FOXM1: variants seen among roughly 807,000 people sequenced by gnomAD.
The protein encoded by FOXM1 is forkhead box protein M1.
A neutral mutation model predicts 63.6 loss-of-function variants in FOXM1; 25 were observed. The observed-to-expected ratio is 0.39, with a 90% CI of 0.29 to 0.55. FOXM1 has a LOEUF of 0.55. FOXM1 is among the 20% of genes least tolerant of loss of function. FOXM1 has a pLI of 0.60. For synonymous variants in FOXM1, 387 were observed against 376.9 expected (o/e 1.03, Z -0.31); for missense variants, 879 against 958.7 (o/e 0.92, Z 1.10).
chr12:2,865,522 C>T lies in FOXM1; in HGVS notation c.976-123G>A, dbSNP rs560221045. On this transcript the variant is annotated intron_variant, in intron 5 of 8. Transcript: ENST00000359843. ...TGACAAAAGACACCCCAGACAACTG[C>T]CCCTCCCAGGAGAATGGTTACAGCT... 5.8e-6 allele frequency: 4 copies of T among 694,586 alleles called. No homozygotes were observed. In the East Asian group the frequency reaches 1.2e-4, roughly 21 times the overall value. 43.0% of individuals were successfully genotyped at this position (694,586 alleles called of 1,614,324 possible).
At chr12:2,859,856 A>G (rs1390533255) in intron 8 of FOXM1, 193 bp from the exon 9 acceptor site, 2 of 575,524 alleles carry the variant, frequency 3.5e-6, no homozygotes, top group South Asian at 2.2e-5. Flanking sequence ...ATGTAGTGGC[A>G]TAATTATAAT....
chr12:2,869,943 A>G (rs1056849870), intron 3 of FOXM1, among the ~76,000 whole-genome samples: 1 of 151,760 alleles, frequency 6.6e-6, no homozygotes, highest in Non-Finnish European at 1.5e-5. Flanking sequence ...AATTTTATGT[A>G]TATAGCACAA....
At chr12:2,875,031 C>T (rs1199909510) in intron 1 of FOXM1, among the ~76,000 whole-genome samples, 2 of 128,720 alleles carry the variant, frequency 1.6e-5, no homozygotes, top group African/African-American at 3.0e-5. Flanking sequence ...CTCACTTTGT[C>T]ACCCAGGCTG....
intron 3 of FOXM1, among the ~76,000 whole-genome samples, chr12:2,871,715 C>T (rs1372043878): frequency 6.6e-6 from 1 of 151,888 alleles, no homozygotes; most frequent in African/African-American, 2.4e-5. Flanking sequence ...AATATTATAT[C>T]TTCTAATAAA....
chr12:2,862,196 AAAG>A (rs1396581647), intron 8 of FOXM1, among the ~76,000 whole-genome samples: 3 of 152,002 alleles, frequency 2.0e-5, no homozygotes, highest in East Asian at 3.9e-4. Flanking sequence ...AAAAAAAAAA[AAAG>A]AGACATGTAG....
At position 2,858,426 on chromosome 12, in the gene FOXM1, C is replaced by A; in HGVS notation, c.*212G>T. Reference sequence around the variant, plus strand: ...GTTGTTCCCACCCTTCAGCTCCTGGCAGGGACAGCAGAGGAATCAGATACT... The same window carrying A: ...GTTGTTCCCACCCTTCAGCTCCTGGAAGGGACAGCAGAGGAATCAGATACT... On this transcript the variant is annotated 3_prime_UTR_variant, in exon 9 of 9. Transcript: ENST00000359843. The A allele has an allele frequency of 1.9e-6, 1 of 536,090 alleles. No individual in the cohort carries two copies. Among genetic ancestry groups the A allele is most frequent in the Non-Finnish European group, 3.3e-6 (1 of 301,910 alleles). 33.2% of individuals were successfully genotyped at this position (536,090 alleles called of 1,614,324 possible).
chr12:2,866,531 G>A lies in FOXM1; in HGVS notation c.847-10C>T. On this transcript the variant is annotated splice_polypyrimidine_tract_variant and intron_variant, in intron 4 of 8. Coordinates refer to ENST00000359843, the MANE Select transcript of FOXM1 (RefSeq NM_021953.4). ...TGTGGCGGATGGAGTTCTGGAAGAAGAGCAAGACAACTGGTTATCAGCTAC... is the reference window on the plus strand; with the variant it reads ...TGTGGCGGATGGAGTTCTGGAAGAAAAGCAAGACAACTGGTTATCAGCTAC... 1 of 1,517,968 alleles carries A rather than the reference G, an allele frequency of 6.6e-7. No individual in the cohort carries two copies. The highest frequency in any genetic ancestry group is 2.4e-5 in the Admixed American group (1 of 41,964). The allele number at this position is 1,517,968 out of a possible 1,614,324, so 94.0% of individuals were successfully genotyped here.
In FOXM1 at chr12:2,859,014, G is replaced by C. The variant is rs1279217207; in HGVS notation, c.1916C>G (p.Pro639Arg). ...PAKVGGLDFS[P>R]VQTSQGASDP... ...AGAGGCACCCTGGGAGGTTTGTACTGGGCTGAAATCCAGTCCCCCTACTTT... is the reference window on the plus strand; with the variant it reads ...AGAGGCACCCTGGGAGGTTTGTACTCGGCTGAAATCCAGTCCCCCTACTTT... Residue 639 changes from proline (P) to arginine (R), a missense_variant, in exon 9 of 9, where the codon CCA (proline) becomes CGA (arginine). Around this residue, in one of 4 missense-constraint regions of FOXM1, gnomAD observed 486 missense variants for 453.5 expected, o/e 1.07. Transcript: ENST00000359843. 1 of 1,612,316 alleles carries C rather than the reference G, an allele frequency of 6.2e-7. No individual in the cohort carries two copies. Among genetic ancestry groups the C allele is most frequent in the Non-Finnish European group, 8.5e-7 (1 of 1,179,256 alleles).
At position 2,858,748 on chromosome 12, in the gene FOXM1, T is replaced by C; in HGVS notation, c.2182A>G (p.Asn728Asp). 27 of 1,614,190 alleles carry C rather than the reference T, an allele frequency of 1.7e-5. No individual in the cohort carries two copies. The highest frequency in any genetic ancestry group is 2.3e-5 in the Non-Finnish European group (27 of 1,180,032). ...AGCAGGATCTTGCTGAGGCTGTCATTCATTGTGTCCAGGACCAGGCCTTCT... is the reference window on the plus strand; with the variant it reads ...AGCAGGATCTTGCTGAGGCTGTCATCCATTGTGTCCAGGACCAGGCCTTCT... ...LTEGLVLDTM[N>D]DSLSKILLDI... The change falls in exon 9 of 9, where the codon AAT becomes GAT. Residue 728 changes from asparagine to aspartate, a missense_variant. Physicochemically the swap from Asn to Asp is conservative, Grantham distance 23. This residue lies in a region of FOXM1 where 486 missense variants were observed against 453.5 expected (regional missense o/e 1.07). Coordinates refer to ENST00000359843, the MANE Select transcript of FOXM1 (RefSeq NM_021953.4).
In FOXM1 at chr12:2,859,460, C is replaced by T. The variant is rs371830965; in HGVS notation, c.1470G>A (p.Pro490=). The T allele has an allele frequency of 2.3e-5, 37 of 1,613,736 alleles. No homozygotes were observed. The highest frequency in any genetic ancestry group is 5.3e-5 in the African/African-American group (4 of 74,874). ...ESPPLEEWPS[P]APSFKEESSH... ...ATGATTCCTCTTTGAAAGATGGGGC[C>T]GGGGAGGGCCACTCTTCCAAGGGAG... The change falls in exon 9 of 9, where the codon CCG becomes CCA. Residue 490 remains proline, a synonymous_variant. Coordinates refer to ENST00000359843, the MANE Select transcript of FOXM1 (RefSeq NM_021953.4).
At chr12:2,859,799 T>A in intron 8 of FOXM1, 136 bp from the exon 9 acceptor site, 1 of 670,978 alleles carries the variant, frequency 1.5e-6, no homozygotes, top group South Asian at 2.0e-5. Context: ...CGATGTATGT[T>A]GAAGTTGGTA....
intron 6 of FOXM1, 104 bp downstream of exon 6, chr12:2,865,251 A>T: frequency 3.7e-6 from 4 of 1,077,916 alleles, no homozygotes; most frequent in Non-Finnish European, 5.5e-6. Context: ...ACATGGCCAT[A>T]GGGACCCTTC....
chr12:2,872,155 T>TGCGG lies in FOXM1; in HGVS notation c.591_594dup (p.Ser199ProfsTer21). The TGCGG allele has an allele frequency of 6.2e-7, 1 of 1,614,212 alleles. No homozygotes were observed. Among genetic ancestry groups the TGCGG allele is most frequent in the Non-Finnish European group, 8.5e-7 (1 of 1,180,026 alleles). Reference sequence around the variant, plus strand: ...TTTTCCTCCATCTCTTGCTTGATGCTGCGGGAGCCCAGTCCATCAGAACTC... The same window carrying TGCGG: ...TTTTCCTCCATCTCTTGCTTGATGCTGCGGGCGGGAGCCCAGTCCATCAGAACTC... On this transcript the variant is annotated frameshift_variant, in exon 3 of 9. Transcript: ENST00000359843. LOFTEE classifies it high-confidence loss of function. The surrounding 1 kb of genome is among the most constrained non-coding windows in gnomAD (Gnocchi z 4.0).
At chr12:2,870,694 C>T (rs751265152) in intron 3 of FOXM1, among the ~76,000 whole-genome samples, 18 of 151,640 alleles carry the variant, frequency 1.2e-4, no homozygotes, top group Admixed American at 3.3e-4. Flanking sequence ...GGCGCAGTGG[C>T]TCACGCCTGT....
Position 2,864,153 on chromosome 12 carries a change from C to T in FOXM1, c.1266+167G>A. On this transcript the variant is annotated intron_variant, in intron 8 of 8. Transcript: ENST00000359843. This position sits in a 1 kb window ranked among gnomAD's most constrained non-coding sequence, Gnocchi z 5.1. ...ACCACTTACATTGTAATCCAAATAC[C>T]TTTTTAGCTCTTCTAATGCTATTAC... 1.5e-6 allele frequency: 1 copy of T among 645,206 alleles called. No individual in the cohort carries two copies. Among genetic ancestry groups the T allele is most frequent in the Non-Finnish European group, 2.7e-6 (1 of 370,420 alleles). The allele number at this position is 645,206 out of a possible 1,614,324, so 40.0% of individuals were successfully genotyped here. A position where few individuals can be genotyped will look rare whatever the true frequency, so the allele number is the denominator to read the frequency against.
In FOXM1 at chr12:2,872,272, C is replaced by A; in HGVS notation, c.503-25G>T. ...GCTAGAGGGAAAATAATCCAACACC[C>A]CACTTAGCTGCCTCATCAGATGCCC... On this transcript the variant is annotated intron_variant, in intron 2 of 8. Transcript: ENST00000359843. The surrounding 1 kb of genome is among the most constrained non-coding windows in gnomAD (Gnocchi z 4.0). 6.2e-7 allele frequency: 1 copy of A among 1,612,518 alleles called. No homozygotes were observed. The highest frequency in any genetic ancestry group is 2.2e-5 in the East Asian group (1 of 44,868).
chr12:2,873,395 T>C (rs2098136487), intron 2 of FOXM1, among the ~76,000 whole-genome samples: 1 of 106,522 alleles, frequency 9.4e-6, no homozygotes, highest in Non-Finnish European at 1.7e-5. Flanking sequence ...CAAGACTCCA[T>C]CTCAAAAAAA....
chr12:2,874,226 G>A lies in FOXM1; in HGVS notation c.253C>T (p.His85Tyr), dbSNP rs1341308632. 21 of 1,614,086 alleles carry A rather than the reference G, an allele frequency of 1.3e-5. No homozygotes were observed. The highest frequency in any genetic ancestry group is 8.9e-5 in the East Asian group (4 of 44,890). ...GCAGTCAGTGCTGTGATGATGCTGT[G>A]AATATTAGCATTGTTGGGGATGGCC... ...VVAIPNNANI[H>Y]SIITALTAKG... Residue 85 changes from histidine (H) to tyrosine (Y), a missense_variant, in exon 2 of 9, where the codon CAC becomes TAC. His to Tyr is a moderately conservative substitution (Grantham distance 83). Coordinates refer to ENST00000359843, the MANE Select transcript of FOXM1 (RefSeq NM_021953.4). This position sits in a 1 kb window ranked among gnomAD's most constrained non-coding sequence, Gnocchi z 4.3.
chr12:2,876,515 G>A (rs1384079234), intron 1 of FOXM1: 1 of 152,460 alleles, frequency 6.6e-6, no homozygotes, highest in Non-Finnish European at 1.5e-5. Context: ...CCTGCAAAAG[G>A]GTAAGTAAGA....
Sources: allele counts gnomAD v4.1 joint callset (sites outside exome capture counted in the v4.1 genomes callset), GRCh38; gene constraint gnomAD v4.1.1; regional missense constraint gnomAD v4.1.1; non-coding constraint Gnocchi (gnomAD v3.1); transcripts MANE v1.5; gene names NCBI Gene and HGNC (gene_info 2026-07-23, HGNC 2026-07-21).